Variants in NCKAP5 observed in about 807,000 individuals in gnomAD.
NCKAP5 encodes the protein nck-associated protein 5.
Under a neutral mutation model 167.0 loss-of-function variants are expected in NCKAP5, and 92 were observed. The observed-to-expected ratio is 0.55, with a 90% confidence interval of 0.47 to 0.66. The LOEUF is 0.66. Ranked by LOEUF, NCKAP5 falls within the 30% of genes least tolerant of loss-of-function variation. The pLI is 0.00. For missense variants in NCKAP5, 2,378 were observed against 2,315.0 expected, an observed-to-expected ratio of 1.03 and a Z score of -0.56; for synonymous variants, 891 against 877.4, an observed-to-expected ratio of 1.02 and a Z score of -0.27.
At chr2:133,488,008 C>T (rs899023269) in intron 3 of NCKAP5, among the ~76,000 whole-genome samples, 8 of 152,158 alleles carry the variant, frequency 5.3e-5, no homozygotes, top group Non-Finnish European at 1.2e-4. Flanking sequence ...TGCATTTTCA[C>T]TTTATTGAGG....
intron 3 of NCKAP5, among the ~76,000 whole-genome samples, chr2:133,480,489 T>C (rs1184688149): frequency 6.6e-6 from 1 of 151,714 alleles, no homozygotes; most frequent in East Asian, 1.9e-4. Context: ...TGTCCTGGGG[T>C]TTCTCTGATC....
At chr2:133,502,991 T>A (rs1682667300) in intron 3 of NCKAP5, among the ~76,000 whole-genome samples, 1 of 152,132 alleles carries the variant, frequency 6.6e-6, no homozygotes, top group South Asian at 2.1e-4. Flanking sequence ...TCCAGTTGGG[T>A]GAGCCTACTT....
At chr2:132,787,750 T>G (rs1003181799) in intron 13 of NCKAP5, among the ~76,000 whole-genome samples, 1 of 152,098 alleles carries the variant, frequency 6.6e-6, no homozygotes, top group African/African-American at 2.4e-5. Context: ...GAAATCCCAT[T>G]AGTGAATCTG....
intron 3 of NCKAP5, among the ~76,000 whole-genome samples, chr2:133,371,752 A>AT (rs1321899676): frequency 6.6e-6 from 1 of 151,848 alleles, no homozygotes; most frequent in African/African-American, 2.4e-5. Flanking sequence ...TCCCTCCTCA[A>AT]TTTTTTTCCT....
intron 11 of NCKAP5, among the ~76,000 whole-genome samples, chr2:132,802,640 G>A (rs1361091450): frequency 6.6e-6 from 1 of 152,194 alleles, no homozygotes; most frequent in East Asian, 1.9e-4. Context: ...TTTTAAATAT[G>A]ACCCTGAATA....
rs889533780 is a variant in NCKAP5, at chr2:132,748,844, C to T, written c.5129-16793G>A. Among the ~76,000 whole-genome samples, 7 of 151,490 alleles carry T rather than the reference C, an allele frequency of 4.6e-5. No individual in the cohort carries two copies. The South Asian group carries it at 8.3e-4, about 18-fold the overall frequency. On this transcript the variant is annotated intron_variant, in intron 16 of 19. Coordinates refer to ENST00000409261, the MANE Select transcript of NCKAP5 (RefSeq NM_207363.3). ...TGTCACTCAGGCTGGAGTGCAATGG[C>T]GTGATCTTGGTTCACTGCAACCTCC...
rs757510143 is a variant in NCKAP5, at chr2:133,421,215, A to G, written c.69+96243T>C. Among the ~76,000 whole-genome samples the G allele has an allele frequency of 4.3e-4, 65 of 152,166 alleles. No homozygotes were observed. In the Middle Eastern group the frequency reaches 0.014, roughly 32 times the overall value. On this transcript the variant is annotated intron_variant, in intron 3 of 19. Transcript: ENST00000409261. ...ACCTCTGCTTGCTCCCTCATTCCACATTACAGCTAAAAACATTGTCTAATG... is the reference window on the plus strand; with the variant it reads ...ACCTCTGCTTGCTCCCTCATTCCACGTTACAGCTAAAAACATTGTCTAATG...
the NCKAP5 span, among the ~76,000 whole-genome samples, chr2:133,638,038 T>C: frequency 1.4e-3 from 217 of 152,284 alleles, no homozygotes; most frequent in African/African-American, 5.0e-3. Flanking sequence ...ATTCCGATGA[T>C]AGCAGATCTC....
At chr2:133,643,637 T>C in the NCKAP5 span, among the ~76,000 whole-genome samples, 6 of 152,156 alleles carry the variant, frequency 3.9e-5, no homozygotes, top group African/African-American at 1.2e-4. Context: ...AATCATCCTA[T>C]CTACAATCCA....
intron 8 of NCKAP5, among the ~76,000 whole-genome samples, chr2:132,940,636 C>T (rs16843933): frequency 0.043 from 6,581 of 151,950 alleles, 408 homozygotes; most frequent in African/African-American, 0.13. Context: ...ATTGAAATGA[C>T]GGTAGGAATC....
At chr2:133,124,216 T>G (rs919266568) in intron 6 of NCKAP5, among the ~76,000 whole-genome samples, 2 of 152,182 alleles carry the variant, frequency 1.3e-5, no homozygotes. Flanking sequence ...TTGAGTTCCA[T>G]GTGGGTGATT....
At chr2:133,297,893 C>G (rs2150546439) in intron 4 of NCKAP5, among the ~76,000 whole-genome samples, 1 of 152,316 alleles carries the variant, frequency 6.6e-6, no homozygotes, top group Admixed American at 6.5e-5. Context: ...CATATAAAAT[C>G]AGAGAAGGAG....
chr2:132,802,314 G>T (rs1448676450), intron 11 of NCKAP5, among the ~76,000 whole-genome samples: 2 of 152,200 alleles, frequency 1.3e-5, no homozygotes, highest in African/African-American at 2.4e-5. Flanking sequence ...TGGACTGGAT[G>T]TTGGGCTGAT....
At chr2:133,642,895 G>A in the NCKAP5 span, among the ~76,000 whole-genome samples, 1 of 152,204 alleles carries the variant, frequency 6.6e-6, no homozygotes, top group South Asian at 2.1e-4. Flanking sequence ...GGCTAGGCAT[G>A]CATTTCTGGC....
intron 4 of NCKAP5, among the ~76,000 whole-genome samples, chr2:133,278,750 C>T (rs376187393): frequency 3.5e-5 from 3 of 84,954 alleles, no homozygotes; most frequent in Admixed American, 1.4e-4. Flanking sequence ...GTAGTGATCA[C>T]AAATAAGAGG....
chr2:132,802,195 T>C (rs1340605358), intron 11 of NCKAP5, among the ~76,000 whole-genome samples: 1 of 152,168 alleles, frequency 6.6e-6, no homozygotes, highest in Non-Finnish European at 1.5e-5. Flanking sequence ...TGGTGAGTCC[T>C]AGTCTGCTCT....
At chr2:133,550,963 C>G (rs1398463522) in intron 2 of NCKAP5, among the ~76,000 whole-genome samples, 1 of 151,312 alleles carries the variant, frequency 6.6e-6, no homozygotes, top group Non-Finnish European at 1.5e-5. Context: ...AACAGACAAA[C>G]AGCCAAATCA....
intron 3 of NCKAP5, among the ~76,000 whole-genome samples, chr2:133,492,114 C>T (rs1357146471): frequency 8.1e-6 from 1 of 123,882 alleles, no homozygotes; most frequent in African/African-American, 3.1e-5. Flanking sequence ...CCAATCCCTG[C>T]TCTACCTGTA....
chr2:133,448,230 T>G (rs1428629136), intron 3 of NCKAP5, among the ~76,000 whole-genome samples: 1 of 150,374 alleles, frequency 6.7e-6, no homozygotes, highest in African/African-American at 2.5e-5. Context: ...TGGCCAATAA[T>G]AGGTTTGATA....
Sources: gnomAD v4.1 joint callset for allele counts (sites outside exome capture counted in the v4.1 genomes callset) on GRCh38, gnomAD v4.1.1 for gene constraint, MANE v1.5 for transcripts, NCBI Gene and HGNC (gene_info 2026-07-23, HGNC 2026-07-21) for gene names.